Variants in SLC9A9 observed in about 807,000 individuals in gnomAD.
SLC9A9 encodes sodium/hydrogen exchanger 9.
Under a neutral mutation model 77.8 loss-of-function variants are expected in SLC9A9, and 62 were observed. That is an observed-to-expected ratio of 0.80 (90% confidence interval 0.65 to 0.98). SLC9A9 has a LOEUF of 0.98. SLC9A9 is among the 50% of genes least tolerant of loss of function. SLC9A9 has a pLI of 0.00. For missense variants in SLC9A9, 775 were observed against 774.9 expected (o/e 1.00, Z 0.00); for synonymous variants, 320 against 283.5 (o/e 1.13, Z -1.29).
At chr3:143,830,607 T>A (rs542047206) in intron 2 of SLC9A9, among the ~76,000 whole-genome samples, 14 of 152,272 alleles carry the variant, frequency 9.2e-5, no homozygotes, top group African/African-American at 3.4e-4. Flanking sequence ...TGTCAACCTG[T>A]TTGAAGAAAT....
chr3:143,555,233 G>T (rs2036960233), intron 8 of SLC9A9, among the ~76,000 whole-genome samples: 1 of 152,164 alleles, frequency 6.6e-6, no homozygotes, highest in Non-Finnish European at 1.5e-5. Flanking sequence ...CTTGTCTGCT[G>T]CCATGTAAGA....
chr3:143,640,851 C>G (rs1417266607), intron 6 of SLC9A9, among the ~76,000 whole-genome samples: 1 of 152,040 alleles, frequency 6.6e-6, no homozygotes, highest in Admixed American at 6.6e-5. Flanking sequence ...GACCTTGTCT[C>G]AAAAACAAAA....
chr3:143,557,101 A>G lies in SLC9A9; in HGVS notation c.1001-4651T>C, dbSNP rs549263272. On this transcript the variant is annotated intron_variant, in intron 8 of 15. Coordinates refer to ENST00000316549, the MANE Select transcript of SLC9A9 (RefSeq NM_173653.4). ...GAACCCAGTGGGAAGTGATTGGAGC[A>G]TGGGGGTAGTTTCCCCCATGCTGTT... is the stretch of plus-strand genomic sequence containing the variant. Among the ~76,000 whole-genome samples the G allele has an allele frequency of 2.0e-5, 3 of 152,266 alleles. No homozygotes were observed. The South Asian group carries it at 6.2e-4, about 32-fold the overall frequency.
At chr3:143,686,069 C>T (rs1183795829) in intron 5 of SLC9A9, among the ~76,000 whole-genome samples, 1 of 152,132 alleles carries the variant, frequency 6.6e-6, no homozygotes, top group African/African-American at 2.4e-5. Flanking sequence ...TGGGAGACTG[C>T]CCTTCCAGGG....
At chr3:143,358,513 C>T (rs2032653351) in intron 14 of SLC9A9, among the ~76,000 whole-genome samples, 1 of 152,142 alleles carries the variant, frequency 6.6e-6, no homozygotes, top group Non-Finnish European at 1.5e-5. Context: ...TCATTCTTAT[C>T]CTGTGTCATT....
At chr3:143,538,298 C>A (rs553419715) in intron 9 of SLC9A9, among the ~76,000 whole-genome samples, 7 of 152,130 alleles carry the variant, frequency 4.6e-5, no homozygotes, top group Non-Finnish European at 8.8e-5. Context: ...CAAAAGACCC[C>A]TATAGACCTC....
chr3:143,364,089 A>G (rs931868288), intron 13 of SLC9A9, among the ~76,000 whole-genome samples: 14 of 152,298 alleles, frequency 9.2e-5, no homozygotes, highest in Middle Eastern at 3.4e-3. Flanking sequence ...GATTGCAACA[A>G]TTGAATGTGC....
At chr3:143,500,794 C>T (rs1297587744) in intron 9 of SLC9A9, among the ~76,000 whole-genome samples, 2 of 150,496 alleles carry the variant, frequency 1.3e-5, no homozygotes, top group African/African-American at 5.0e-5. Flanking sequence ...TTATAAAATA[C>T]CATAAATACC....
In SLC9A9 at chr3:143,467,044, G is replaced by A. The variant is rs776273109; in HGVS notation, c.1462C>T (p.Gln488Ter). 1.1e-5 allele frequency: 17 copies of A among 1,613,722 alleles called. No individual in the cohort carries two copies. The East Asian group carries it at 3.6e-4, about 34-fold the overall frequency. Residue 488 changes from glutamine (Q) to a stop codon, truncating the protein, a stop_gained, in exon 12 of 16, where the codon CAG (glutamine) becomes TAG (stop). Coordinates refer to ENST00000316549, the MANE Select transcript of SLC9A9 (RefSeq NM_173653.4). LOFTEE classifies it high-confidence loss of function. ...GGTTPMLTWL[Q>*]IRVGVDLDEN... ...CTAGACGGTGTCACTCACCTGATCTGAAGCCAAGTCAACATGGGGGTTGTT... is the reference window on the plus strand; with the variant it reads ...CTAGACGGTGTCACTCACCTGATCTAAAGCCAAGTCAACATGGGGGTTGTT...
intron 13 of SLC9A9, among the ~76,000 whole-genome samples, chr3:143,364,749 A>T (rs796514949): frequency 7.9e-5 from 12 of 152,314 alleles, no homozygotes; most frequent in African/African-American, 2.9e-4. Flanking sequence ...TCAGCCATTT[A>T]TCCTTTGTTT....
intron 9 of SLC9A9, chr3:143,504,137 T>G (rs1440122414): frequency 6.7e-6 from 3 of 446,464 alleles, no homozygotes; most frequent in Non-Finnish European, 1.3e-5. Flanking sequence ...TACTGAAACA[T>G]GTAGGCCATG....
At chr3:143,537,951 A>C (rs1178163178) in intron 9 of SLC9A9, among the ~76,000 whole-genome samples, 1 of 152,216 alleles carries the variant, frequency 6.6e-6, no homozygotes, top group African/African-American at 2.4e-5. Context: ...TTCTTTCATT[A>C]GCTTCTTTTC....
chr3:143,766,171 A>T (rs1361739696), intron 4 of SLC9A9, among the ~76,000 whole-genome samples: 1 of 152,204 alleles, frequency 6.6e-6, no homozygotes, highest in African/African-American at 2.4e-5. Context: ...TACCTGATAG[A>T]TGATGCATGC....
intron 10 of SLC9A9, among the ~76,000 whole-genome samples, chr3:143,494,525 G>A (rs1418706411): frequency 6.6e-6 from 1 of 152,238 alleles, no homozygotes; most frequent in African/African-American, 2.4e-5. Context: ...AAATGCAGAT[G>A]TTTAATTGGA....
rs189263369 is a variant in SLC9A9 at position 143,578,205 on chromosome 3, C to T, written c.894+380G>A. ...GAGGCAGATCATACCCAATTTATCA[C>T]CCTTAATCAATTGTCTTATTCTTGA... On this transcript the variant is annotated intron_variant, in intron 7 of 15. Transcript: ENST00000316549. Among the ~76,000 whole-genome samples, 6 of 152,238 alleles carry T rather than the reference C, an allele frequency of 3.9e-5. No homozygotes were observed. In the East Asian group the frequency reaches 7.7e-4, roughly 20 times the overall value.
chr3:143,810,559 A>G (rs2008838492), intron 2 of SLC9A9, among the ~76,000 whole-genome samples: 1 of 152,258 alleles, frequency 6.6e-6, no homozygotes, highest in African/African-American at 2.4e-5. Context: ...TCAATCAATA[A>G]GACAGGACTA....
At chr3:143,733,139 C>T (rs970930912) in intron 4 of SLC9A9, among the ~76,000 whole-genome samples, 12 of 152,016 alleles carry the variant, frequency 7.9e-5, no homozygotes, top group African/African-American at 2.9e-4. Flanking sequence ...AGATTTTGAA[C>T]TTTATAATGG....
intron 12 of SLC9A9, among the ~76,000 whole-genome samples, chr3:143,387,967 G>T (rs1261780224): frequency 6.6e-6 from 1 of 152,192 alleles, no homozygotes; most frequent in East Asian, 1.9e-4. Flanking sequence ...AATAGTCTTA[G>T]GTGCAGTTTT....
intron 12 of SLC9A9, among the ~76,000 whole-genome samples, chr3:143,421,973 T>C (rs1032087889): frequency 6.6e-6 from 1 of 151,950 alleles, no homozygotes; most frequent in South Asian, 2.1e-4. Flanking sequence ...AAGTGGACAA[T>C]AAACATATGA....
Sources: allele counts gnomAD v4.1 joint callset (sites outside exome capture counted in the v4.1 genomes callset), GRCh38; gene constraint gnomAD v4.1.1; transcripts MANE v1.5; gene names NCBI Gene and HGNC (gene_info 2026-07-23, HGNC 2026-07-21).